The following TRPV3 variants were observed in gnomAD, a reference collection of about 807,000 sequenced individuals.
The protein encoded by TRPV3 is VRL-3.
A neutral mutation model predicts 87.1 loss-of-function variants in TRPV3; 88 were observed. That is an observed-to-expected ratio of 1.01 (90% CI 0.85 to 1.21). The LOEUF (loss-of-function observed/expected upper bound fraction) is 1.21, where lower values mean the gene tolerates loss of function less well. TRPV3 is among the 50% of genes most tolerant of loss of function. The pLI is 0.00. For missense variants in TRPV3, 1,054 were observed against 1,030.1 expected (o/e 1.02, Z -0.32); for synonymous variants, 438 against 423.3 (o/e 1.03, Z -0.43).
chr17:3,514,026 A>T lies in TRPV3; in HGVS notation c.2279-15T>A, dbSNP rs72809877. 8,087 of 1,590,096 alleles carry T rather than the reference A, an allele frequency of 5.1e-3. 27 individuals carry two copies. Among genetic ancestry groups the T allele is most frequent in the Middle Eastern group, 0.012 (69 of 5,850 alleles). On this transcript the variant is annotated splice_polypyrimidine_tract_variant and intron_variant, in intron 17 of 17. Transcript: ENST00000576742. ...TTTGTTGAAATCTGCTTTTTAAAAA[A>T]ATATATATTTTAGAAATATATCACT...
chr17:3,542,766 G>A (rs1325132007), intron 5 of TRPV3, 68 bp from the exon 6 acceptor site: 12 of 1,538,364 alleles, frequency 7.8e-6, no homozygotes, highest in East Asian at 2.3e-5. Context: ...CAGCCCAGAG[G>A]GTGTGGTTGC....
intron 16 of TRPV3, 46 bp from the exon 17 acceptor site, chr17:3,514,718 G>A (rs1407692793): frequency 9.0e-6 from 13 of 1,444,872 alleles, no homozygotes; most frequent in Non-Finnish European, 1.3e-5. Flanking sequence ...GTGCCTCACT[G>A]AGTACTAACA....
intron 2 of TRPV3, among the ~76,000 whole-genome samples, chr17:3,547,556 G>A (rs1377435363): frequency 6.6e-6 from 1 of 152,234 alleles, no homozygotes. Flanking sequence ...GGGAGGTGGA[G>A]GTTGCAGTGA....
chr17:3,514,621 G>C lies in TRPV3; in HGVS notation c.2250C>G (p.Asn750Lys). The C allele has an allele frequency of 6.2e-7, 1 of 1,613,982 alleles. No individual in the cohort carries two copies. The highest frequency in any genetic ancestry group is 8.5e-7 in the Non-Finnish European group (1 of 1,179,878). Residue 750 changes from asparagine (N) to lysine (K), a missense_variant, in exon 17 of 18, where the codon AAC becomes AAG. Physicochemically the swap from Asn to Lys is moderately conservative, Grantham distance 94. Transcript: ENST00000576742. ...TEWKTHVSFL[N>K]EDPGPVRRTD... ...TTCGTCTTACAGGCCCCGGGTCTTCGTTAAGGAAGGAGACGTGCGTCTTCC... is the reference window on the plus strand; with the variant it reads ...TTCGTCTTACAGGCCCCGGGTCTTCCTTAAGGAAGGAGACGTGCGTCTTCC...
intron 5 of TRPV3, among the ~76,000 whole-genome samples, chr17:3,542,964 C>T (rs1440344827): frequency 1.3e-5 from 2 of 152,042 alleles, no homozygotes; most frequent in Non-Finnish European, 2.9e-5. Context: ...CTGTCCACCC[C>T]CCTGCTGCCA....
intron 8 of TRPV3, among the ~76,000 whole-genome samples, chr17:3,531,994 C>G (rs540034618): frequency 6.6e-6 from 1 of 152,204 alleles, no homozygotes. Context: ...CCTCGCAGAG[C>G]GTAGAGACAG....
chr17:3,520,314 C>A (rs1453016413), intron 14 of TRPV3, among the ~76,000 whole-genome samples: 1 of 152,082 alleles, frequency 6.6e-6, no homozygotes, highest in East Asian at 1.9e-4. Context: ...CCCAGCAGAC[C>A]AGAGAGGCTC....
At chr17:3,543,287 C>T (rs2150801336) in intron 5 of TRPV3, among the ~76,000 whole-genome samples, 187 bp downstream of exon 5, 1 of 152,240 alleles carries the variant, frequency 6.6e-6, no homozygotes, top group South Asian at 2.1e-4. Context: ...TAGTCAGACC[C>T]GACTCTCACC....
In TRPV3 at chr17:3,544,668, G is replaced by T. The variant is rs1356698622; in HGVS notation, c.225-3C>A. 6.2e-7 allele frequency: 1 copy of T among 1,607,230 alleles called. No homozygotes were observed. Among genetic ancestry groups the T allele is most frequent in the African/African-American group, 1.3e-5 (1 of 74,920 alleles). ...TGTCATCACAGTTACCAGAGATGCT[G>T]GAGGTGTTGGCAGGGGGAACAGAGA... On this transcript the variant is annotated splice_region_variant and splice_polypyrimidine_tract_variant and intron_variant, in intron 3 of 17. Transcript: ENST00000576742.
At chr17:3,537,892 T>A (rs9903301) in intron 6 of TRPV3, among the ~76,000 whole-genome samples, 67,742 of 101,322 alleles carry the variant, frequency 0.67, 21,688 homozygotes, top group South Asian at 0.78. Context: ...TCTGTCTTTT[T>A]AAAAAAAAAA....
At chr17:3,519,757 AAT>A (rs2074225197) in intron 14 of TRPV3, among the ~76,000 whole-genome samples, 1 of 54,560 alleles carries the variant, frequency 1.8e-5, no homozygotes. Flanking sequence ...TTGATGGATG[AAT>A]GATTAGATGG....
intron 6 of TRPV3, among the ~76,000 whole-genome samples, chr17:3,539,824 G>C (rs1020350250): frequency 1.6e-4 from 25 of 152,106 alleles, no homozygotes; most frequent in African/African-American, 6.0e-4. Flanking sequence ...AACTCTGAAG[G>C]CCTCTGATAA....
intron 13 of TRPV3, among the ~76,000 whole-genome samples, chr17:3,523,420 A>G (rs1244180418): frequency 6.6e-6 from 1 of 152,216 alleles, no homozygotes; most frequent in Non-Finnish European, 1.5e-5. Context: ...CTAGAATTCA[A>G]TAAAAAGCAA....
intron 8 of TRPV3, 50 bp downstream of exon 8, chr17:3,532,607 G>A (rs749091535): frequency 1.1e-5 from 17 of 1,597,150 alleles, no homozygotes; most frequent in African/African-American, 2.7e-5. Flanking sequence ...GGTGGCAGCT[G>A]TACCTCCTGA....
At chr17:3,545,484 G>A (rs1029617361) in intron 2 of TRPV3, among the ~76,000 whole-genome samples, 5 of 152,164 alleles carry the variant, frequency 3.3e-5, no homozygotes, top group South Asian at 2.1e-4. Flanking sequence ...AGGGAGCTGC[G>A]AGTCAAGTGT....
intron 6 of TRPV3, among the ~76,000 whole-genome samples, chr17:3,536,537 G>A (rs559743907): frequency 2.7e-4 from 41 of 152,274 alleles, no homozygotes; most frequent in South Asian, 4.1e-4. Context: ...GCAGTGAGCC[G>A]AGATTGGTCC....
At chr17:3,543,228 C>T (rs1413751213) in intron 5 of TRPV3, among the ~76,000 whole-genome samples, 1 of 152,168 alleles carries the variant, frequency 6.6e-6, no homozygotes, top group African/African-American at 2.4e-5. Flanking sequence ...GGGTCCCAGC[C>T]CTGCCTGAAC....
intron 4 of TRPV3, 63 bp from the exon 5 acceptor site, chr17:3,543,691 C>T (rs1442358529): frequency 6.9e-6 from 11 of 1,596,296 alleles, no homozygotes; most frequent in Middle Eastern, 1.7e-4. Flanking sequence ...CTCTCCTTTT[C>T]CCCGCCAGAG....
At chr17:3,521,516 G>C (rs972348290) in intron 13 of TRPV3, among the ~76,000 whole-genome samples, 1 of 152,160 alleles carries the variant, frequency 6.6e-6, no homozygotes, top group Non-Finnish European at 1.5e-5. Flanking sequence ...TTGTGTACTA[G>C]AAATTTGCTA....
Sources: allele counts gnomAD v4.1 joint callset (sites outside exome capture counted in the v4.1 genomes callset), GRCh38; gene constraint gnomAD v4.1.1; transcripts MANE v1.5; gene names NCBI Gene and HGNC (gene_info 2026-07-23, HGNC 2026-07-21).